Variants in C10orf143 observed in about 807,000 individuals in gnomAD.
C10orf143 encodes uncharacterized protein C10orf143.
Position 130,065,414 on chromosome 10 carries a change from TG to T in C10orf143, c.298-1032del. 6.6e-6 allele frequency: 1 copy of T among 151,970 alleles called. No homozygotes were observed. The allele number at this position is 151,970 out of a possible 1,614,324, so 9.4% of individuals were successfully genotyped here. A position where few individuals can be genotyped will look rare whatever the true frequency, so the allele number is the denominator to read the frequency against. On this transcript the variant is annotated intron_variant, in intron 3 of 3. Coordinates refer to ENST00000637128, the MANE Select transcript of C10orf143 (RefSeq NM_001355042.2). This position sits in a 1 kb window ranked among gnomAD's most constrained non-coding sequence, Gnocchi z 4.2. The stretch of plus-strand genomic sequence containing the variant: ...GAAGGAGCAAGAGAATCTTTGGAGG[TG>T]GGAAGGTATACCTCAAGCAGTAAGC...
chr10:130,106,616 A>G, intron 1 of C10orf143: 1 of 1,361,408 alleles, frequency 7.3e-7, no homozygotes, highest in Non-Finnish European at 1.0e-6. Context: ...AGCTGAAGCC[A>G]AAATGATCTT....
rs190268536 is a variant in C10orf143 at position 130,088,887 on chromosome 10, A to G, written c.70-8986T>C. On this transcript the variant is annotated intron_variant, in intron 1 of 3. Coordinates refer to ENST00000637128, the MANE Select transcript of C10orf143 (RefSeq NM_001355042.2). ...ACATTTGGTACTGCATCAACTAAGG[A>G]GGGCCAGAAGTTAGGATTCTCACAC... 1.5e-3 allele frequency among the ~76,000 whole-genome samples: 228 copies of G among 152,310 alleles called. 1 individual carries two copies. The highest frequency in any genetic ancestry group is 6.8e-3 in the Middle Eastern group (2 of 294).
Position 130,064,148 on chromosome 10 carries a change from T to A in C10orf143, c.*206A>T, listed in dbSNP as rs1860891327. ...TAAGGATTTGGGGGCTCTTTTGAAG[T>A]GATGTGGATTCTCCTGGCTCTCGTG... On this transcript the variant is annotated 3_prime_UTR_variant, in exon 4 of 4. Transcript: ENST00000637128. The A allele has an allele frequency of 5.2e-6, 2 of 386,120 alleles. No homozygotes were observed. The highest frequency in any genetic ancestry group is 2.9e-4 in the South Asian group (2 of 6,898). The allele number at this position is 386,120 out of a possible 1,614,324, so 23.9% of individuals were successfully genotyped here.
chr10:130,057,719 G>A (rs1860811353), intron 3 of C10orf143, among the ~76,000 whole-genome samples: 2 of 152,212 alleles, frequency 1.3e-5, no homozygotes, highest in African/African-American at 4.8e-5. Flanking sequence ...CCTGGGCACT[G>A]GAGTGGCGGG....
At chr10:130,097,706 A>G (rs1478844278) in intron 1 of C10orf143, among the ~76,000 whole-genome samples, 1 of 152,120 alleles carries the variant, frequency 6.6e-6, no homozygotes, top group Non-Finnish European at 1.5e-5. Context: ...CTATTCACAC[A>G]ATGGAATATT....
chr10:130,077,013 G>A (rs1390825189), intron 3 of C10orf143, among the ~76,000 whole-genome samples: 1 of 152,148 alleles, frequency 6.6e-6, no homozygotes, highest in Non-Finnish European at 1.5e-5. Flanking sequence ...TCAGTAACAT[G>A]AGCAGGGTGA....
At chr10:130,070,596 A>G (rs1281866536) in intron 3 of C10orf143, among the ~76,000 whole-genome samples, 1 of 152,206 alleles carries the variant, frequency 6.6e-6, no homozygotes, top group Non-Finnish European at 1.5e-5. Flanking sequence ...ATTAGATATC[A>G]CCAAAACACT....
At chr10:130,089,295 T>C (rs1209710950) in intron 1 of C10orf143, among the ~76,000 whole-genome samples, 1 of 152,232 alleles carries the variant, frequency 6.6e-6, no homozygotes, top group Non-Finnish European at 1.5e-5. Flanking sequence ...TTAAGGATCT[T>C]AAGGAAAGCA....
chr10:130,039,070 C>T (rs1227421643), intron 3 of C10orf143, among the ~76,000 whole-genome samples: 1 of 152,152 alleles, frequency 6.6e-6, no homozygotes, highest in Non-Finnish European at 1.5e-5. Context: ...GACAGTTGGT[C>T]CCCCAGCAGC....
chr10:130,038,657 G>A (rs1383054764), intron 3 of C10orf143, among the ~76,000 whole-genome samples: 2 of 152,174 alleles, frequency 1.3e-5, no homozygotes, highest in Non-Finnish European at 2.9e-5. Flanking sequence ...ACACCGCCCA[G>A]GCCCTTCCCC....
chr10:130,107,848 T>A, intron 1 of C10orf143: 1 of 1,252,952 alleles, frequency 8.0e-7, no homozygotes, highest in Non-Finnish European at 1.2e-6. Flanking sequence ...AACAGGACCG[T>A]AGGATGATGT....
chr10:130,100,436 A>T (rs1314999265), intron 1 of C10orf143, among the ~76,000 whole-genome samples: 3 of 152,000 alleles, frequency 2.0e-5, no homozygotes, highest in Non-Finnish European at 4.4e-5. Flanking sequence ...AGGCTGAGGC[A>T]CGAGAATTGC....
At chr10:130,058,580 A>AT (rs5789009) in intron 3 of C10orf143, among the ~76,000 whole-genome samples, 94,084 of 144,046 alleles carry the variant, frequency 0.65, 32,308 homozygotes, top group Admixed American at 0.77. Flanking sequence ...TTTAAACAGC[A>AT]TTTTTTTTTT....
At chr10:130,053,063 T>TTTGC (rs1470278317) in intron 3 of C10orf143, among the ~76,000 whole-genome samples, 2 of 150,562 alleles carry the variant, frequency 1.3e-5, no homozygotes, top group Non-Finnish European at 3.0e-5. Flanking sequence ...GTGTTTTTTG[T>TTTGC]TTGTTTGTTT....
rs564876884 is a variant in C10orf143 at position 130,049,034 on chromosome 10, G to A, written c.298-13064C>T. 3.9e-5 allele frequency among the ~76,000 whole-genome samples: 6 copies of A among 152,256 alleles called. No individual in the cohort carries two copies. In the East Asian group the frequency reaches 9.6e-4, roughly 24 times the overall value. On this transcript the variant is annotated intron_variant and NMD_transcript_variant, in intron 3 of 5. Coordinates refer to the C10orf143 transcript ENST00000643056. ...TTTCTTAATATAACCAAATGCAGAC[G>A]CTCTGAAATGTGCAAGGCCGCAGCT...
intron 4 of C10orf143, among the ~76,000 whole-genome samples, chr10:130,035,478 A>G (rs943729261): frequency 1.3e-5 from 2 of 152,222 alleles, no homozygotes; most frequent in Non-Finnish European, 2.9e-5. Flanking sequence ...ACTGCCCTTC[A>G]GAGGCTGAGG....
intron 3 of C10orf143, among the ~76,000 whole-genome samples, chr10:130,045,546 G>A (rs1860657851): frequency 6.6e-6 from 1 of 152,224 alleles, no homozygotes; most frequent in East Asian, 1.9e-4. Flanking sequence ...CCCCAAAACC[G>A]CGAGGCGCCC....
chr10:130,092,017 C>A (rs1291106728), intron 1 of C10orf143, among the ~76,000 whole-genome samples: 2 of 152,078 alleles, frequency 1.3e-5, no homozygotes, highest in Non-Finnish European at 2.9e-5. Flanking sequence ...AAAAACTTAC[C>A]CAACCTAGCA....
intron 1 of C10orf143, among the ~76,000 whole-genome samples, chr10:130,088,807 T>C (rs1365146895): frequency 1.3e-5 from 2 of 152,322 alleles, no homozygotes; most frequent in South Asian, 4.1e-4. Flanking sequence ...ATTCCTTTCC[T>C]ATGACATTTT....
Sources: allele counts gnomAD v4.1 joint callset (sites outside exome capture counted in the v4.1 genomes callset), GRCh38; gene constraint gnomAD v4.1.1; non-coding constraint Gnocchi (gnomAD v3.1); transcripts MANE v1.5; gene names NCBI Gene and HGNC (gene_info 2026-07-23, HGNC 2026-07-21).